COG5: variants seen among roughly 807,000 people sequenced by gnomAD.
COG5 encodes the protein component of oligomeric golgi complex 5.
In COG5, 86 loss-of-function variants were observed where a neutral mutation model predicts 110.4. The observed-to-expected ratio is 0.78, with a 90% confidence interval of 0.65 to 0.93. The LOEUF (loss-of-function observed/expected upper bound fraction) is 0.93. Among genes scored for constraint, COG5 ranks in the 40% least tolerant of loss-of-function variants. The pLI is 0.00. For missense variants in COG5, 1,077 were observed against 987.0 expected, an observed-to-expected ratio of 1.09 and a Z score of -1.22; for synonymous variants, 360 against 334.6, an observed-to-expected ratio of 1.08 and a Z score of -0.83.
At chr7:107,488,181 T>C (rs1048603755) in intron 6 of COG5, among the ~76,000 whole-genome samples, 7 of 151,898 alleles carry the variant, frequency 4.6e-5, no homozygotes, top group African/African-American at 1.4e-4. Flanking sequence ...TTTTAAAATA[T>C]AGCACATGGC....
intron 5 of COG5, among the ~76,000 whole-genome samples, chr7:107,534,476 C>A (rs967031719): frequency 6.8e-6 from 1 of 147,922 alleles, no homozygotes. Flanking sequence ...GAATATTTAC[C>A]AAGCAAATGG....
intron 6 of COG5, among the ~76,000 whole-genome samples, chr7:107,463,443 G>A (rs1029523562): frequency 6.6e-6 from 1 of 152,186 alleles, no homozygotes; most frequent in Non-Finnish European, 1.5e-5. Flanking sequence ...CCAGGGAGGG[G>A]AAAGGGGACA....
intron 14 of COG5, among the ~76,000 whole-genome samples, chr7:107,268,692 C>T (rs1335232023): frequency 6.6e-6 from 1 of 152,172 alleles, no homozygotes; most frequent in Non-Finnish European, 1.5e-5. Flanking sequence ...TATCATAATT[C>T]TTTACCTTCC....
chr7:107,254,528 C>G (rs537627516), intron 16 of COG5, among the ~76,000 whole-genome samples: 1 of 152,228 alleles, frequency 6.6e-6, no homozygotes, highest in Admixed American at 6.5e-5. Flanking sequence ...CTTGTACTTA[C>G]TGCTAGTCTT....
chr7:107,256,259 T>C (rs1316506642), intron 16 of COG5, among the ~76,000 whole-genome samples: 3 of 152,148 alleles, frequency 2.0e-5, no homozygotes, highest in Non-Finnish European at 4.4e-5. Context: ...TGGGAAATTC[T>C]GTTATGAGAG....
At chr7:107,563,543 ATGGGG>A in intron 1 of COG5, 9 of 316,248 alleles carry the variant, frequency 2.8e-5, no homozygotes, top group African/African-American at 7.6e-5. Flanking sequence ...AGCTGGAGGC[ATGGGG>A]GGGGGGGGGG....
chr7:107,355,608 A>G (rs1402228588), intron 10 of COG5, among the ~76,000 whole-genome samples: 2 of 152,244 alleles, frequency 1.3e-5, no homozygotes, highest in Non-Finnish European at 2.9e-5. Flanking sequence ...GAAAACTACC[A>G]AACCAAAATA....
At chr7:107,260,840 C>G (rs1430910941) in intron 14 of COG5, among the ~76,000 whole-genome samples, 1 of 152,090 alleles carries the variant, frequency 6.6e-6, no homozygotes, top group African/African-American at 2.4e-5. Context: ...AAATAATCTG[C>G]TGCTTATCCT....
At chr7:107,473,999 C>A (rs1200104780) in intron 6 of COG5, 1 of 828,006 alleles carries the variant, frequency 1.2e-6, no homozygotes. Flanking sequence ...TTTAAATTGC[C>A]AAATATCAAA....
intron 6 of COG5, among the ~76,000 whole-genome samples, chr7:107,518,412 C>T (rs1165567948): frequency 3.9e-5 from 6 of 152,020 alleles, no homozygotes; most frequent in African/African-American, 1.4e-4. Context: ...ATTCAGGAGA[C>T]CCATCTCACG....
chr7:107,265,414 A>C (rs1244342150), intron 14 of COG5, among the ~76,000 whole-genome samples: 1 of 152,054 alleles, frequency 6.6e-6, no homozygotes, highest in Non-Finnish European at 1.5e-5. Flanking sequence ...AGTAGCTGGG[A>C]CCACAGGCAT....
At chr7:107,543,388 A>G (rs1802189821) in intron 5 of COG5, among the ~76,000 whole-genome samples, 2 of 152,162 alleles carry the variant, frequency 1.3e-5, no homozygotes, top group Non-Finnish European at 1.5e-5. Context: ...CCCCAACACT[A>G]GGCCTGCCCC....
intron 6 of COG5, among the ~76,000 whole-genome samples, chr7:107,496,641 C>G (rs895153036): frequency 7.1e-6 from 1 of 141,300 alleles, no homozygotes; most frequent in Non-Finnish European, 1.5e-5. Flanking sequence ...GCCTGGGTGA[C>G]AGTGAGACTC....
chr7:107,315,994 G>T (rs952139432), intron 11 of COG5, among the ~76,000 whole-genome samples: 1 of 152,068 alleles, frequency 6.6e-6, no homozygotes, highest in Admixed American at 6.5e-5. Context: ...GAAAACATAC[G>T]CTGGCAATTA....
At chr7:107,210,420 A>G (rs1799077642) in intron 21 of COG5, 106 bp downstream of exon 21, 2 of 1,516,230 alleles carry the variant, frequency 1.3e-6, no homozygotes, top group Non-Finnish European at 1.8e-6. Context: ...TGGAAGGTGC[A>G]GTCACATGTC....
At chr7:107,505,082 G>C (rs1798893385) in intron 6 of COG5, among the ~76,000 whole-genome samples, 1 of 152,126 alleles carries the variant, frequency 6.6e-6, no homozygotes. Flanking sequence ...TCTCCCATAG[G>C]GTTGAAATGG....
At chr7:107,476,183 T>TAAAAAAAAAAA (rs1563056700) in intron 6 of COG5, among the ~76,000 whole-genome samples, 83 of 86,354 alleles carry the variant, frequency 9.6e-4, no homozygotes, top group Non-Finnish European at 1.4e-3. Context: ...TGCAATGATT[T>TAAAAAAAAAAA]TAAAAAAAAA....
chr7:107,296,016 C>T (rs1806709432), intron 12 of COG5, among the ~76,000 whole-genome samples: 1 of 152,098 alleles, frequency 6.6e-6, no homozygotes, highest in Non-Finnish European at 1.5e-5. Context: ...TGGTCTCGAA[C>T]TCCTGACCTC....
chr7:107,439,401 T>G (rs1371154350), intron 6 of COG5, among the ~76,000 whole-genome samples: 1 of 152,196 alleles, frequency 6.6e-6, no homozygotes, highest in East Asian at 1.9e-4. Context: ...TCTCCCCGTT[T>G]TCTCGAGCCC....
Sources: gnomAD v4.1 joint callset for allele counts (sites outside exome capture counted in the v4.1 genomes callset) on GRCh38, gnomAD v4.1.1 for gene constraint, MANE v1.5 for transcripts, NCBI Gene and HGNC (gene_info 2026-07-23, HGNC 2026-07-21) for gene names.